ATP8A2: variants seen among roughly 807,000 people sequenced by gnomAD.
ATP8A2 encodes ATPase phospholipid transporting 8A2, also known as phospholipid-transporting ATPase IB.
Under a neutral mutation model 165.6 loss-of-function variants are expected in ATP8A2, and 100 were observed. That is an observed-to-expected ratio of 0.60 (90% CI 0.51 to 0.71). The LOEUF is 0.71. Among genes scored for constraint, ATP8A2 ranks in the 30% least tolerant of loss-of-function variants. ATP8A2 has a pLI of 0.00. For missense variants in ATP8A2, 1,227 were observed against 1,479.5 expected, an observed-to-expected ratio of 0.83 and a Z score of 2.80; for synonymous variants, 543 against 548.8, an observed-to-expected ratio of 0.99 and a Z score of 0.15.
At chr13:25,641,765 T>C (rs1446728857) in intron 24 of ATP8A2, among the ~76,000 whole-genome samples, 2 of 151,904 alleles carry the variant, frequency 1.3e-5, no homozygotes. Context: ...TTAAAGTTCA[T>C]ATGGAACCAA....
At chr13:25,463,922 G>C (rs1287381531) in intron 1 of ATP8A2, among the ~76,000 whole-genome samples, 1 of 151,962 alleles carries the variant, frequency 6.6e-6, no homozygotes, top group Non-Finnish European at 1.5e-5. Context: ...TTCTTCACCT[G>C]TCCTCTTATT....
chr13:25,862,490 T>G, intron 33 of ATP8A2, 82 bp downstream of exon 33: 1 of 1,065,050 alleles, frequency 9.4e-7, no homozygotes. Flanking sequence ...AGGCACTGTG[T>G]GTCTTACAGC....
intron 25 of ATP8A2, among the ~76,000 whole-genome samples, chr13:25,756,194 G>A (rs1017315117): frequency 6.6e-6 from 1 of 152,054 alleles, no homozygotes; most frequent in East Asian, 1.9e-4. Context: ...GCCAGGATAG[G>A]TTTTTTCACC....
intron 5 of ATP8A2, 80 bp downstream of exon 5, chr13:25,532,397 G>T (rs920469381): frequency 1.1e-6 from 1 of 941,952 alleles, no homozygotes; most frequent in Non-Finnish European, 1.7e-6. Context: ...TAAATAAGTA[G>T]TGAATGGTAT....
chr13:25,848,858 A>G (rs940511957), intron 30 of ATP8A2, among the ~76,000 whole-genome samples: 1 of 152,230 alleles, frequency 6.6e-6, no homozygotes, highest in African/African-American at 2.4e-5. Context: ...TTCAGGCACT[A>G]TAGGCATAGC....
chr13:25,520,684 T>A (rs530529532), intron 2 of ATP8A2, among the ~76,000 whole-genome samples: 3 of 150,546 alleles, frequency 2.0e-5, no homozygotes, highest in Non-Finnish European at 4.4e-5. Flanking sequence ...CATTGCAAGC[T>A]CCGCTTCTCA....
chr13:25,610,040 A>G (rs900138968), intron 24 of ATP8A2, among the ~76,000 whole-genome samples: 4 of 152,068 alleles, frequency 2.6e-5, no homozygotes, highest in Non-Finnish European at 5.9e-5. Context: ...ATAGATTGCA[A>G]AGATTTTCTC....
At chr13:25,884,081 C>A (rs996169501) in intron 33 of ATP8A2, among the ~76,000 whole-genome samples, 1 of 152,082 alleles carries the variant, frequency 6.6e-6, no homozygotes, top group African/African-American at 2.4e-5. Flanking sequence ...CCTGTCTAGG[C>A]CACCCTCAGT....
At chr13:25,612,147 A>G (rs977008784) in intron 24 of ATP8A2, among the ~76,000 whole-genome samples, 5 of 151,302 alleles carry the variant, frequency 3.3e-5, no homozygotes, top group Admixed American at 3.3e-4. Context: ...TTATGCTCTG[A>G]TCTTGGTTAT....
rs569875944 is a variant in ATP8A2, at chr13:25,426,840, G to A, written c.77-42137G>A. 6.6e-5 allele frequency among the ~76,000 whole-genome samples: 10 copies of A among 152,206 alleles called. No homozygotes were observed. In the South Asian group the frequency reaches 2.1e-3, roughly 32 times the overall value. On this transcript the variant is annotated intron_variant, in intron 1 of 36. Coordinates refer to ENST00000381655, the MANE Select transcript of ATP8A2 (RefSeq NM_016529.6). The stretch of plus-strand genomic sequence containing the variant: ...ACATGCCTGTAATCCCAGCTACTCG[G>A]GAGGCTGAGAGAGGAGAATCGACTG...
intron 24 of ATP8A2, among the ~76,000 whole-genome samples, chr13:25,664,277 A>C (rs1004789838): frequency 3.9e-5 from 6 of 152,254 alleles, no homozygotes; most frequent in Non-Finnish European, 5.9e-5. Flanking sequence ...CTTTACTTAC[A>C]ATAAAATAAG....
rs766421586 is a variant in ATP8A2, at chr13:25,938,328, G to A, written c.3184-23247G>A. On this transcript the variant is annotated intron_variant, in intron 33 of 36. Transcript: ENST00000381655. ...CATGATATTCAGCTTGGAAATATGC[G>A]GGAGAATACGACAGGGAATACCAGC... 9.2e-5 allele frequency among the ~76,000 whole-genome samples: 14 copies of A among 152,108 alleles called. 1 individual carries two copies. Among genetic ancestry groups the A allele is most frequent in the Non-Finnish European group, 1.6e-4 (11 of 68,040 alleles).
intron 10 of ATP8A2, among the ~76,000 whole-genome samples, chr13:25,548,637 C>T (rs1237559575): frequency 1.4e-4 from 21 of 152,122 alleles, no homozygotes; most frequent in Non-Finnish European, 2.8e-4. Flanking sequence ...GACCTTGATA[C>T]AGTATTTGAT....
chr13:25,921,402 G>A (rs1463930774), intron 33 of ATP8A2, among the ~76,000 whole-genome samples: 2 of 151,764 alleles, frequency 1.3e-5, no homozygotes, highest in Non-Finnish European at 2.9e-5. Context: ...TGGATCACGA[G>A]GTCAGAAGTT....
intron 24 of ATP8A2, among the ~76,000 whole-genome samples, chr13:25,641,098 T>C (rs1027731163): frequency 1.3e-4 from 20 of 152,122 alleles, no homozygotes; most frequent in African/African-American, 4.6e-4. Flanking sequence ...ATTGATGGGA[T>C]GTATCTCAAA....
chr13:25,643,720 G>C (rs1468784852), intron 24 of ATP8A2, among the ~76,000 whole-genome samples: 1 of 150,344 alleles, frequency 6.7e-6, no homozygotes, highest in Non-Finnish European at 1.5e-5. Flanking sequence ...CTTTTTCTTC[G>C]TGATTGCTTT....
At position 25,786,754 on chromosome 13, in the gene ATP8A2, G is replaced by GATTTTTTTTTTTTTTTTTT. The variant is rs58430501; in HGVS notation, c.2679+11795_2679+11796insATTTTTTTTTTTTTTTTTT. ...AACCCTTTTTAATGCACAATTCTAT[G>GATTTTTTTTTTTTTTTTTT]TTTTTTTTTTTTTTTTTTTGAGACA... On this transcript the variant is annotated intron_variant, in intron 27 of 36. Coordinates refer to ENST00000381655, the MANE Select transcript of ATP8A2 (RefSeq NM_016529.6). Among the ~76,000 whole-genome samples the GATTTTTTTTTTTTTTTTTT allele has an allele frequency of 1.5e-5, 2 of 134,644 alleles. 1 individual carries two copies. The highest frequency in any genetic ancestry group is 3.1e-5 in the Non-Finnish European group (2 of 63,706). The allele number at this position is 134,644 out of a possible 152,430, so 88.3% of individuals were successfully genotyped here. A position where few individuals can be genotyped will look rare whatever the true frequency, so the allele number is the denominator to read the frequency against.
chr13:25,741,821 C>G (rs1418063626), intron 25 of ATP8A2, among the ~76,000 whole-genome samples: 2 of 152,198 alleles, frequency 1.3e-5, no homozygotes, highest in African/African-American at 4.8e-5. Context: ...GGGGCAGTAT[C>G]TGCCCCTTTT....
chr13:25,799,831 T>C (rs1950584125), intron 27 of ATP8A2, among the ~76,000 whole-genome samples: 1 of 152,212 alleles, frequency 6.6e-6, no homozygotes, highest in Non-Finnish European at 1.5e-5. Context: ...TCTTTTCTCT[T>C]TCAACCCAGG....
Sources: gnomAD v4.1 joint callset for allele counts (sites outside exome capture counted in the v4.1 genomes callset) on GRCh38, gnomAD v4.1.1 for gene constraint, MANE v1.5 for transcripts, NCBI Gene and HGNC (gene_info 2026-07-23, HGNC 2026-07-21) for gene names.